The following ARHGEF10L variants were observed in gnomAD, a reference collection of about 807,000 sequenced individuals.
ARHGEF10L encodes the protein Rho guanine nucleotide exchange factor 10 like, also known as rho guanine nucleotide exchange factor 10-like protein.
A neutral mutation model predicts 141.2 loss-of-function variants in ARHGEF10L; 69 were observed. The observed-to-expected ratio is 0.49, with a 90% CI of 0.40 to 0.60. The LOEUF (loss-of-function observed/expected upper bound fraction) is 0.60. Ranked by LOEUF, ARHGEF10L falls within the 20% of genes least tolerant of loss-of-function variation. The probability of loss-of-function intolerance (pLI) is 0.00; values close to 1 mark genes in which losing one functional copy is unlikely to be tolerated. For missense variants in ARHGEF10L, 1,482 were observed against 1,734.3 expected (o/e 0.85, Z 2.58); for synonymous variants, 711 against 718.5 (o/e 0.99, Z 0.17).
intron 1 of ARHGEF10L, among the ~76,000 whole-genome samples, chr1:17,560,864 C>T (rs1355222172): frequency 1.3e-5 from 2 of 152,214 alleles, no homozygotes; most frequent in Non-Finnish European, 2.9e-5. Flanking sequence ...TGCGCCTGGC[C>T]CTCAAGCATC....
At chr1:17,555,566 G>T (rs772076584) in intron 1 of ARHGEF10L, among the ~76,000 whole-genome samples, 1 of 152,090 alleles carries the variant, frequency 6.6e-6, no homozygotes, top group African/African-American at 2.4e-5. Context: ...TGTTGGTCAG[G>T]CTGGTCTTGA....
At chr1:17,595,680 G>A (rs1216185571) in intron 4 of ARHGEF10L, among the ~76,000 whole-genome samples, 1 of 152,160 alleles carries the variant, frequency 6.6e-6, no homozygotes, top group African/African-American at 2.4e-5. Context: ...ACAGAGGGAA[G>A]AGGGAACACA....
chr1:17,548,671 T>TTTTTTTA (rs1235204359), intron 1 of ARHGEF10L, among the ~76,000 whole-genome samples: 1 of 146,900 alleles, frequency 6.8e-6, no homozygotes, highest in African/African-American at 2.6e-5. Flanking sequence ...TTTTTTTTTT[T>TTTTTTTA]GAGACAGCAT....
intron 21 of ARHGEF10L, among the ~76,000 whole-genome samples, chr1:17,646,541 T>A (rs2061609204): frequency 6.6e-6 from 1 of 151,780 alleles, no homozygotes; most frequent in African/African-American, 2.4e-5. Context: ...ACTGGCATGG[T>A]GGGGGAGCGC....
chr1:17,537,439 G>A (rs777822135), upstream of ARHGEF10L, among the ~76,000 whole-genome samples: 4 of 152,124 alleles, frequency 2.6e-5, no homozygotes, highest in Non-Finnish European at 5.9e-5. Context: ...ACGGGGGTCT[G>A]GGGCATGGCC....
At chr1:17,557,119 G>T (rs528754618) in intron 1 of ARHGEF10L, among the ~76,000 whole-genome samples, 3 of 151,910 alleles carry the variant, frequency 2.0e-5, no homozygotes, top group African/African-American at 7.2e-5. Context: ...GAGGTGGATG[G>T]ATCACTTGAG....
chr1:17,660,202 G>A (rs1157835856), intron 25 of ARHGEF10L, among the ~76,000 whole-genome samples: 3 of 152,194 alleles, frequency 2.0e-5, no homozygotes, highest in Non-Finnish European at 4.4e-5. Flanking sequence ...GCATTGCCAC[G>A]CCTTGGGTGG....
At chr1:17,608,082 C>A in intron 7 of ARHGEF10L, 105 bp downstream of exon 7, 2 of 1,184,462 alleles carry the variant, frequency 1.7e-6, no homozygotes, top group South Asian at 2.7e-5. Flanking sequence ...CTAGGACTCA[C>A]GTCTGGGTCC....
At chr1:17,660,518 C>T (rs1571337553) in intron 25 of ARHGEF10L, among the ~76,000 whole-genome samples, 1 of 152,354 alleles carries the variant, frequency 6.6e-6, no homozygotes, top group East Asian at 1.9e-4. Flanking sequence ...CAGTCATCAT[C>T]ATCACAGTCG....
chr1:17,571,118 A>AGTGAGCCAG (rs1458542986), intron 1 of ARHGEF10L, among the ~76,000 whole-genome samples: 4 of 152,124 alleles, frequency 2.6e-5, no homozygotes, highest in Non-Finnish European at 5.9e-5. Context: ...GGACCCACGA[A>AGTGAGCCAG]GTGAGCCAGG....
intron 7 of ARHGEF10L, among the ~76,000 whole-genome samples, chr1:17,611,977 G>GTCCATCCATCCATCCA (rs60216346): frequency 6.7e-6 from 1 of 150,006 alleles, no homozygotes; most frequent in African/African-American, 2.5e-5. Context: ...CCATCGGTTT[G>GTCCATCCATCCATCCA]TCCATCCATC....
intron 1 of ARHGEF10L, among the ~76,000 whole-genome samples, chr1:17,565,779 C>T (rs2077729192): frequency 6.6e-6 from 1 of 152,158 alleles, no homozygotes; most frequent in Non-Finnish European, 1.5e-5. Context: ...GTACCAGGAC[C>T]GTGGCTGGGC....
intron 27 of ARHGEF10L, among the ~76,000 whole-genome samples, chr1:17,692,947 G>T (rs1427481666): frequency 6.6e-6 from 1 of 152,086 alleles, no homozygotes; most frequent in African/African-American, 2.4e-5. Context: ...GGCCACCTCC[G>T]CCTTGTCACC....
At chr1:17,587,737 C>T (rs2079147856) in intron 3 of ARHGEF10L, 92 bp downstream of exon 3, 1 of 1,369,944 alleles carries the variant, frequency 7.3e-7, no homozygotes, top group Non-Finnish European at 9.8e-7. Flanking sequence ...GCCTGGTGGC[C>T]CCTCCGCTGT....
chr1:17,567,894 C>G (rs1385417496), intron 1 of ARHGEF10L, among the ~76,000 whole-genome samples: 1 of 152,228 alleles, frequency 6.6e-6, no homozygotes, highest in Non-Finnish European at 1.5e-5. Flanking sequence ...GCCTTGCTGT[C>G]TCATTTTTGG....
intron 28 of ARHGEF10L, among the ~76,000 whole-genome samples, chr1:17,696,299 G>A (rs1042975581): frequency 1.3e-4 from 20 of 152,122 alleles, no homozygotes; most frequent in Non-Finnish European, 2.1e-4. Flanking sequence ...CATCCAGGGG[G>A]CATTTGTGGA....
At chr1:17,572,303 G>A (rs2078036590) in intron 1 of ARHGEF10L, among the ~76,000 whole-genome samples, 1 of 152,204 alleles carries the variant, frequency 6.6e-6, no homozygotes, top group African/African-American at 2.4e-5. Context: ...GGCCTTGTGG[G>A]AATATCAGGG....
chr1:17,696,633 G>A (rs935187604), intron 28 of ARHGEF10L, among the ~76,000 whole-genome samples: 4 of 152,204 alleles, frequency 2.6e-5, no homozygotes, highest in Non-Finnish European at 5.9e-5. Flanking sequence ...GCTCCCCCGT[G>A]TGGTGTATAA....
At chr1:17,617,082 T>A (rs2059849385) in intron 9 of ARHGEF10L, among the ~76,000 whole-genome samples, 1 of 152,058 alleles carries the variant, frequency 6.6e-6, no homozygotes, top group African/African-American at 2.4e-5. Flanking sequence ...CTGGAAGGGA[T>A]AGAGGAGGCC....
Sources: allele counts gnomAD v4.1 joint callset (sites outside exome capture counted in the v4.1 genomes callset), GRCh38; gene constraint gnomAD v4.1.1; transcripts MANE v1.5; gene names NCBI Gene and HGNC (gene_info 2026-07-23, HGNC 2026-07-21).